Variants in DOCK4 observed in about 807,000 individuals in gnomAD.
DOCK4 encodes dedicator of cytokinesis 4, also known as dedicator of cytokinesis protein 4.
DOCK4 carries 97 observed loss-of-function variants against 268.1 expected under a neutral mutation model. That is an observed-to-expected ratio of 0.36 (90% CI 0.31 to 0.43). The LOEUF (loss-of-function observed/expected upper bound fraction) is 0.43, where lower values mean the gene tolerates loss of function less well. Among genes scored for constraint, DOCK4 ranks in the 20% least tolerant of loss-of-function variants. DOCK4 has a pLI of 1.00. For missense variants in DOCK4, 2,145 were observed against 2,455.7 expected (o/e 0.87, Z 2.67); for synonymous variants, 954 against 887.2 (o/e 1.08, Z -1.34).
chr7:112,056,086 T>C (rs972838761), intron 1 of DOCK4, among the ~76,000 whole-genome samples: 3 of 152,030 alleles, frequency 2.0e-5, no homozygotes, highest in East Asian at 1.9e-4. Context: ...CAAGCCTTGA[T>C]AGGAAGGCAG....
chr7:111,839,533 G>A (rs984900729), intron 25 of DOCK4, among the ~76,000 whole-genome samples: 2 of 152,188 alleles, frequency 1.3e-5, no homozygotes, highest in Non-Finnish European at 2.9e-5. Flanking sequence ...AGCCTTTACA[G>A]TCAATATACA....
chr7:111,752,304 G>T (rs1448457801), intron 42 of DOCK4, among the ~76,000 whole-genome samples: 1 of 152,032 alleles, frequency 6.6e-6, no homozygotes, highest in African/African-American at 2.4e-5. Flanking sequence ...GTCACTGGCT[G>T]CCATGTACAG....
intron 30 of DOCK4, among the ~76,000 whole-genome samples, chr7:111,793,213 A>G (rs940149476): frequency 1.2e-4 from 19 of 152,188 alleles, no homozygotes; most frequent in Admixed American, 1.2e-3. Flanking sequence ...ACACAGCTAA[A>G]TATTTTAGAT....
intron 1 of DOCK4, among the ~76,000 whole-genome samples, chr7:112,032,909 T>C (rs1019050503): frequency 1.6e-4 from 24 of 152,196 alleles, no homozygotes; most frequent in African/African-American, 5.5e-4. Flanking sequence ...GAAAAAAGTA[T>C]CTTTTTACAA....
chr7:111,740,901 G>A lies in DOCK4; in HGVS notation c.5040+193C>T, dbSNP rs966892576. On this transcript the variant is annotated intron_variant, in intron 47 of 52. Transcript: ENST00000428084. ...TCGCTTGCTGATGTCGTCTTAAAGCGATGGGGCAGTTTTAAGAGAAACGTC... is the reference window on the plus strand; with the variant it reads ...TCGCTTGCTGATGTCGTCTTAAAGCAATGGGGCAGTTTTAAGAGAAACGTC... 3.3e-5 allele frequency among the ~76,000 whole-genome samples: 5 copies of A among 151,990 alleles called. No individual in the cohort carries two copies. In the East Asian group the frequency reaches 5.8e-4, roughly 18 times the overall value.
rs767308319 is a variant in DOCK4, at chr7:111,901,663, A to G, written c.1317+14T>C. ...CAGACTTGTTTGACCTGGAAATATC[A>G]AGTATTAACATACCTTCAGGGTTTG... On this transcript the variant is annotated intron_variant, in intron 14 of 52. Coordinates refer to ENST00000428084, the MANE Select transcript of DOCK4 (RefSeq NM_001363540.2). 6.2e-7 allele frequency: 1 copy of G among 1,611,864 alleles called. No homozygotes were observed. Among genetic ancestry groups the G allele is most frequent in the Non-Finnish European group, 8.5e-7 (1 of 1,179,106 alleles).
intron 1 of DOCK4, among the ~76,000 whole-genome samples, chr7:112,073,221 G>A (rs1206741525): frequency 2.6e-5 from 4 of 151,928 alleles, no homozygotes; most frequent in Admixed American, 2.6e-4. Flanking sequence ...TTTTTCTTCT[G>A]AGGAGCCAAG....
chr7:111,929,594 C>A (rs1314261505), intron 12 of DOCK4, among the ~76,000 whole-genome samples: 1 of 152,198 alleles, frequency 6.6e-6, no homozygotes, highest in Non-Finnish European at 1.5e-5. Context: ...AAAATGACTA[C>A]ATTGGTATGT....
In DOCK4 at chr7:112,206,335, G is replaced by T. The variant is rs1164176510; in HGVS notation, c.-197C>A. 2 of 613,942 alleles carry T rather than the reference G, an allele frequency of 3.3e-6. No individual in the cohort carries two copies. Among genetic ancestry groups the T allele is most frequent in the Non-Finnish European group, 5.6e-6 (2 of 354,750 alleles). 38.0% of individuals were successfully genotyped at this position (613,942 alleles called of 1,614,324 possible). A position where few individuals can be genotyped will look rare whatever the true frequency, so the allele number is the denominator to read the frequency against. On this transcript the variant is annotated 5_prime_UTR_variant, in exon 1 of 53. Transcript: ENST00000428084. Reference sequence around the variant, plus strand: ...CTGCGCCGCCCGCAGCTCTCCCGGCGGCGGCTGCTCACAGTCCTCCGACGC... The same window carrying T: ...CTGCGCCGCCCGCAGCTCTCCCGGCTGCGGCTGCTCACAGTCCTCCGACGC...
chr7:111,926,098 A>AAGAG (rs1292727994), intron 12 of DOCK4, among the ~76,000 whole-genome samples: 1 of 141,450 alleles, frequency 7.1e-6, no homozygotes, highest in Admixed American at 7.1e-5. Flanking sequence ...AGAAAAAAGA[A>AAGAG]AGAGAGAGAG....
chr7:111,881,403 T>C (rs1378187626), intron 16 of DOCK4, among the ~76,000 whole-genome samples: 1 of 152,188 alleles, frequency 6.6e-6, no homozygotes, highest in Non-Finnish European at 1.5e-5. Flanking sequence ...AAATGGCTTT[T>C]ATCCAAAAGA....
intron 13 of DOCK4, among the ~76,000 whole-genome samples, chr7:111,908,837 C>T (rs1317032891): frequency 6.6e-6 from 1 of 152,128 alleles, no homozygotes; most frequent in Non-Finnish European, 1.5e-5. Flanking sequence ...TAGCTTCATC[C>T]ATGTCCCTGC....
At chr7:112,089,120 C>T (rs1809388653) in intron 1 of DOCK4, among the ~76,000 whole-genome samples, 1 of 151,886 alleles carries the variant, frequency 6.6e-6, no homozygotes, top group Admixed American at 6.6e-5. Flanking sequence ...CTATTTTTCC[C>T]TTTTTTTACT....
At chr7:112,166,014 T>C (rs755526076) in intron 1 of DOCK4, among the ~76,000 whole-genome samples, 11 of 152,074 alleles carry the variant, frequency 7.2e-5, no homozygotes, top group Non-Finnish European at 1.2e-4. Flanking sequence ...CAGGCCATCA[T>C]CCCCAACCAT....
chr7:111,746,794 C>G (rs996922123), intron 43 of DOCK4, among the ~76,000 whole-genome samples: 1 of 145,234 alleles, frequency 6.9e-6, no homozygotes, highest in African/African-American at 2.5e-5. Flanking sequence ...AAAGTATCAT[C>G]TAAGCAAGAT....
intron 1 of DOCK4, among the ~76,000 whole-genome samples, chr7:112,101,947 A>T (rs903378017): frequency 6.6e-6 from 1 of 150,734 alleles, no homozygotes; most frequent in African/African-American, 2.4e-5. Context: ...GGTTCACGCC[A>T]TTCTCCCGCC....
intron 9 of DOCK4, 124 bp from the exon 10 acceptor site, chr7:111,944,995 A>G: frequency 2.6e-6 from 2 of 777,320 alleles, no homozygotes; most frequent in Non-Finnish European, 4.5e-6. Flanking sequence ...GAATGTTTGT[A>G]GCAGAAGTAC....
chr7:111,956,325 A>C (rs1350685668), intron 8 of DOCK4, among the ~76,000 whole-genome samples: 1 of 152,230 alleles, frequency 6.6e-6, no homozygotes, highest in African/African-American at 2.4e-5. Flanking sequence ...AGCCATAAAT[A>C]AACACAGAAT....
rs1795924272 is a variant in DOCK4 at position 111,741,638 on chromosome 7, GGCTTGCATACAA to G, written c.4809_4820del (p.Cys1604_Ala1607del). 6.2e-7 allele frequency: 1 copy of G among 1,613,282 alleles called. No homozygotes were observed. The highest frequency in any genetic ancestry group is 8.5e-7 in the Non-Finnish European group (1 of 1,179,714). On this transcript the variant is annotated inframe_deletion, in exon 46 of 53. Transcript: ENST00000428084. Reference sequence around the variant, plus strand: ...TTCCATTAGGAAAATGGACAGGACTGGCTTGCATACAAGCAGAGAACTCCTAAAGATGTAGTA... The same window carrying G: ...TTCCATTAGGAAAATGGACAGGACTGGCAGAGAACTCCTAAAGATGTAGTA...
Sources: allele counts gnomAD v4.1 joint callset (sites outside exome capture counted in the v4.1 genomes callset), GRCh38; gene constraint gnomAD v4.1.1; transcripts MANE v1.5; gene names NCBI Gene and HGNC (gene_info 2026-07-23, HGNC 2026-07-21).